CCDC80: variants seen among roughly 807,000 people sequenced by gnomAD.
The protein encoded by CCDC80 is coiled-coil domain containing 80.
CCDC80 carries 49 observed loss-of-function variants against 78.7 expected under a neutral mutation model. The ratio of observed to expected loss-of-function variants is 0.62; its 90% CI spans 0.50 to 0.79. CCDC80 has a LOEUF of 0.79. Ranked by LOEUF, CCDC80 falls within the 30% of genes least tolerant of loss-of-function variation. CCDC80 has a pLI of 0.00. For missense variants in CCDC80, 1,205 were observed against 1,198.6 expected (o/e 1.01, Z -0.08); for synonymous variants, 488 against 447.0 (o/e 1.09, Z -1.16).
intron 2 of CCDC80, among the ~76,000 whole-genome samples, chr3:112,635,203 T>C (rs988671905): frequency 1.3e-5 from 2 of 152,348 alleles, no homozygotes; most frequent in Middle Eastern, 3.4e-3. Context: ...TAAAGAATGC[T>C]ATAAATAAAG....
chr3:112,631,288 T>A (rs1362153724), intron 2 of CCDC80, among the ~76,000 whole-genome samples: 1 of 152,126 alleles, frequency 6.6e-6, no homozygotes, highest in Non-Finnish European at 1.5e-5. Context: ...CTGTTCCACA[T>A]CCCACAAGCT....
At chr3:112,617,437 A>C (rs751035244) in intron 4 of CCDC80, among the ~76,000 whole-genome samples, 8 of 152,240 alleles carry the variant, frequency 5.3e-5, no homozygotes, top group Non-Finnish European at 1.2e-4. Context: ...GACTTACAAA[A>C]GCAACCTGAG....
chr3:112,611,792 C>T (rs188068208), intron 5 of CCDC80, among the ~76,000 whole-genome samples: 29 of 152,284 alleles, frequency 1.9e-4, no homozygotes, highest in African/African-American at 6.5e-4. Context: ...CAGGTGACCG[C>T]AGGGTGTTGG....
intron 3 of CCDC80, 34 bp from the exon 4 acceptor site, chr3:112,619,138 G>A (rs778644366): frequency 6.6e-7 from 1 of 1,518,850 alleles, no homozygotes; most frequent in Non-Finnish European, 8.8e-7. Flanking sequence ...GAATATGGGT[G>A]TGGCAAGGCA....
chr3:112,628,103 T>G (rs1224326653), intron 3 of CCDC80, among the ~76,000 whole-genome samples: 1 of 152,172 alleles, frequency 6.6e-6, no homozygotes, highest in Admixed American at 6.5e-5. Flanking sequence ...AACACCTGGT[T>G]TGTGAGGGCT....
intron 2 of CCDC80, among the ~76,000 whole-genome samples, chr3:112,631,212 C>G (rs1054889429): frequency 2.0e-5 from 3 of 152,192 alleles, no homozygotes; most frequent in Non-Finnish European, 4.4e-5. Flanking sequence ...ATTAATTTAG[C>G]TGCCCTTCCC....
At chr3:112,611,961 G>C (rs1378568791) in intron 5 of CCDC80, among the ~76,000 whole-genome samples, 1 of 151,516 alleles carries the variant, frequency 6.6e-6, no homozygotes, top group Middle Eastern at 3.5e-3. Flanking sequence ...ATAGTTTGAT[G>C]AAATACAACC....
chr3:112,619,158 G>A (rs1935813397), intron 3 of CCDC80, 54 bp from the exon 4 acceptor site: 9 of 1,480,762 alleles, frequency 6.1e-6, no homozygotes, highest in Non-Finnish European at 8.1e-6. Context: ...AGAAATCATT[G>A]GGAGGTGAAT....
chr3:112,615,015 G>T (rs538140628), intron 5 of CCDC80, among the ~76,000 whole-genome samples: 1 of 152,328 alleles, frequency 6.6e-6, no homozygotes, highest in South Asian at 2.1e-4. Context: ...AGTGTTCACA[G>T]GTATAATGGC....
At position 112,639,448 on chromosome 3, in the gene CCDC80, A is replaced by G. The variant is rs1936293133; in HGVS notation, c.458T>C (p.Val153Ala). ...ASFAGKNRVW[V>A]ISAPHASEGY... is the part of the protein sequence containing the mutation. ...TTCCGAGGCATGAGGGGCTGAGATG[A>G]CCCATACTCTGTTCTTCCCTGCAAA... The change falls in exon 2 of 8, where the codon GTC becomes GCC. Residue 153 changes from valine to alanine, a missense_variant. By Grantham distance (64) the Val-to-Ala change is moderately conservative. Coordinates refer to ENST00000206423, the MANE Select transcript of CCDC80 (RefSeq NM_199511.3). 1.9e-6 allele frequency: 3 copies of G among 1,613,936 alleles called. No homozygotes were observed. Among genetic ancestry groups the G allele is most frequent in the Non-Finnish European group, 1.7e-6 (2 of 1,180,008 alleles).
rs1935427112 is a variant in CCDC80, at chr3:112,604,215, G to A, written c.*1202C>T. 1 of 152,188 alleles carries A rather than the reference G, an allele frequency of 6.6e-6. No individual in the cohort carries two copies. Among genetic ancestry groups the A allele is most frequent in the African/African-American group, 2.4e-5 (1 of 41,444 alleles). 9.4% of individuals were successfully genotyped at this position (152,188 alleles called of 1,614,324 possible). On this transcript the variant is annotated 3_prime_UTR_variant, in exon 8 of 8. Transcript: ENST00000206423. ...AGCAGCAACAGGGTTTGAGAGGATT[G>A]GCTCCAATTTCAAAAGAAGTTGTAC...
chr3:112,619,361 A>G (rs1472488116), intron 3 of CCDC80, among the ~76,000 whole-genome samples: 1 of 152,256 alleles, frequency 6.6e-6, no homozygotes, highest in Non-Finnish European at 1.5e-5. Flanking sequence ...GCAAACAGGA[A>G]CAAAGGAACA....
chr3:112,606,570 C>T (rs1187357081), intron 7 of CCDC80, among the ~76,000 whole-genome samples: 1 of 146,244 alleles, frequency 6.8e-6, no homozygotes, highest in East Asian at 2.0e-4. Flanking sequence ...GGACTACAGG[C>T]GCATGCCACC....
intron 3 of CCDC80, among the ~76,000 whole-genome samples, chr3:112,629,054 T>TC (rs1936039394): frequency 6.6e-6 from 1 of 152,168 alleles, no homozygotes; most frequent in Admixed American, 6.5e-5. Flanking sequence ...AAGTTGACAT[T>TC]ATCGTGACAT....
At chr3:112,608,342 C>T (rs190644365) in intron 6 of CCDC80, among the ~76,000 whole-genome samples, 60 of 152,216 alleles carry the variant, frequency 3.9e-4, no homozygotes, top group Non-Finnish European at 6.5e-4. Flanking sequence ...AGGCAAAATG[C>T]TATTCAAAAA....
chr3:112,610,456 C>T (rs867060885), intron 5 of CCDC80, among the ~76,000 whole-genome samples: 1 of 152,076 alleles, frequency 6.6e-6, no homozygotes, highest in African/African-American at 2.4e-5. Context: ...GAAGAGAACT[C>T]GTCTTAGTGG....
rs904922007 is a variant in CCDC80, at chr3:112,604,701, C to T, written c.*716G>A. 2 of 152,252 alleles carry T rather than the reference C, an allele frequency of 1.3e-5. No individual in the cohort carries two copies. Among genetic ancestry groups the T allele is most frequent in the Non-Finnish European group, 2.9e-5 (2 of 68,092 alleles). 9.4% of individuals were successfully genotyped at this position (152,252 alleles called of 1,614,324 possible). ...AATTTTCATGCCAGAAATTCCATAG[C>T]AGCCTACTAGAACTCTGGAAGTATC... is the stretch of plus-strand genomic sequence containing the variant. On this transcript the variant is annotated 3_prime_UTR_variant, in exon 8 of 8. Coordinates refer to ENST00000206423, the MANE Select transcript of CCDC80 (RefSeq NM_199511.3).
rs906000516 is a variant in CCDC80 at position 112,601,517 on chromosome 3, T to C, written c.*3900A>G. On this transcript the variant is annotated 3_prime_UTR_variant, in exon 8 of 8. Coordinates refer to ENST00000206423, the MANE Select transcript of CCDC80 (RefSeq NM_199511.3). ...TAAATATTTGTTGAAAAAAGAAATGTAGTAAAGAAGCAAGGATGGCTGGGC... is the reference window on the plus strand; with the variant it reads ...TAAATATTTGTTGAAAAAAGAAATGCAGTAAAGAAGCAAGGATGGCTGGGC... 4.6e-5 allele frequency: 7 copies of C among 151,622 alleles called. No homozygotes were observed. Among genetic ancestry groups the C allele is most frequent in the African/African-American group, 1.5e-4 (6 of 41,210 alleles). 9.4% of individuals were successfully genotyped at this position (151,622 alleles called of 1,614,324 possible).
chr3:112,623,521 T>G (rs1178784551), intron 3 of CCDC80, among the ~76,000 whole-genome samples: 1 of 152,176 alleles, frequency 6.6e-6, no homozygotes, highest in East Asian at 1.9e-4. Context: ...TCCACCTTCA[T>G]CACAGTCACC....
Sources: gnomAD v4.1 joint callset for allele counts (sites outside exome capture counted in the v4.1 genomes callset) on GRCh38, gnomAD v4.1.1 for gene constraint, MANE v1.5 for transcripts, NCBI Gene and HGNC (gene_info 2026-07-23, HGNC 2026-07-21) for gene names.